ARID5A: variants seen among roughly 807,000 people sequenced by gnomAD.
ARID5A encodes the protein AT-rich interaction domain 5A, also known as AT-rich interactive domain-containing protein 5A.
A neutral mutation model predicts 30.5 loss-of-function variants in ARID5A; 14 were observed. The observed-to-expected ratio is 0.46, with a 90% CI of 0.30 to 0.72. ARID5A has a LOEUF of 0.72. ARID5A is among the 30% of genes least tolerant of loss of function. The pLI is 0.07. For missense variants in ARID5A, 669 were observed against 786.2 expected, an observed-to-expected ratio of 0.85 and a Z score of 1.78; for synonymous variants, 338 against 340.4, an observed-to-expected ratio of 0.99 and a Z score of 0.08.
rs1558624170 is a variant in ARID5A at position 96,552,310 on chromosome 2, G to A, written c.1782G>A (p.Leu594=). ...APHFFHLNTK[L] Reference sequence around the variant, plus strand: ...ACTTCTTCCACCTCAACACCAAGCTGTAGGCCAGCCCATGGTGTTGTGTAC... The same window carrying A: ...ACTTCTTCCACCTCAACACCAAGCTATAGGCCAGCCCATGGTGTTGTGTAC... The change falls in exon 7 of 7, where the codon CTG becomes CTA. Residue 594 remains leucine, a synonymous_variant. Transcript: ENST00000357485. The A allele has an allele frequency of 1.2e-6, 2 of 1,613,356 alleles. No individual in the cohort carries two copies. The highest frequency in any genetic ancestry group is 1.1e-5 in the South Asian group (1 of 91,078).
chr2:96,550,818 C>T lies in ARID5A; in HGVS notation c.570+85C>T. 6.8e-7 allele frequency: 1 copy of T among 1,459,954 alleles called. No homozygotes were observed. The highest frequency in any genetic ancestry group is 9.1e-7 in the Non-Finnish European group (1 of 1,101,118). The allele number at this position is 1,459,954 out of a possible 1,614,324, so 90.4% of individuals were successfully genotyped here. On this transcript the variant is annotated intron_variant, in intron 6 of 6. Coordinates refer to ENST00000357485, the MANE Select transcript of ARID5A (RefSeq NM_212481.3). This position sits in a 1 kb window ranked among gnomAD's most constrained non-coding sequence, Gnocchi z 6.6. ...CAACTCCCTGTGGCCGCGGAGCTGT[C>T]TGCTCAGAATACACAGAACCTGCAC... is the stretch of plus-strand genomic sequence containing the variant.
At chr2:96,546,083 G>T (rs1185699610) in intron 1 of ARID5A, among the ~76,000 whole-genome samples, 2 of 152,186 alleles carry the variant, frequency 1.3e-5, no homozygotes. Context: ...ATGGAGGGAA[G>T]ACATAAGAAC....
chr2:96,550,136 C>A lies in ARID5A; in HGVS notation c.313-52C>A, dbSNP rs1317167596. The A allele has an allele frequency of 6.5e-7, 1 of 1,530,894 alleles. No homozygotes were observed. Among genetic ancestry groups the A allele is most frequent in the East Asian group, 2.5e-5 (1 of 40,504 alleles). The allele number at this position is 1,530,894 out of a possible 1,614,324, so 94.8% of individuals were successfully genotyped here. The stretch of plus-strand genomic sequence containing the variant: ...CGAGGGCGGCCGGAGCTGCAAGGAC[C>A]CCGCCGCCAGGGGGCGCCCGCCGGC... On this transcript the variant is annotated intron_variant, in intron 4 of 6. Transcript: ENST00000357485. This position sits in a 1 kb window ranked among gnomAD's most constrained non-coding sequence, Gnocchi z 6.6.
rs114244789 is a variant in ARID5A, at chr2:96,537,324, G to A, written c.4+494G>A. Reference sequence around the variant, plus strand: ...ACAGACTCCGGGTCCAGAGCGCGCGGCCCTTTCCTCTGCGGCCGCCGTTTC... The same window carrying A: ...ACAGACTCCGGGTCCAGAGCGCGCGACCCTTTCCTCTGCGGCCGCCGTTTC... On this transcript the variant is annotated intron_variant, in intron 1 of 6. Coordinates refer to ENST00000357485, the MANE Select transcript of ARID5A (RefSeq NM_212481.3). The surrounding 1 kb of genome is among the most constrained non-coding windows in gnomAD (Gnocchi z 4.8). The A allele has an allele frequency of 0.016, 2,421 of 153,556 alleles. 59 individuals are homozygous for A. Among genetic ancestry groups the A allele is most frequent in the African/African-American group, 0.055 (2,289 of 41,594 alleles). The allele number at this position is 153,556 out of a possible 1,614,324, so 9.5% of individuals were successfully genotyped here.
intron 1 of ARID5A, among the ~76,000 whole-genome samples, chr2:96,544,741 G>C (rs1385704344): frequency 6.6e-6 from 1 of 152,216 alleles, no homozygotes; most frequent in Non-Finnish European, 1.5e-5. Flanking sequence ...CAAGGATCAA[G>C]GAGTAATTTT....
rs892964623 is a variant in ARID5A, at chr2:96,537,781, C to T, written c.4+951C>T. 1.5e-5 allele frequency: 13 copies of T among 872,690 alleles called. No individual in the cohort carries two copies. The African/African-American group carries it at 2.0e-4, about 13-fold the overall frequency. The allele number at this position is 872,690 out of a possible 1,614,324, so 54.1% of individuals were successfully genotyped here. A position where few individuals can be genotyped will look rare whatever the true frequency, so the allele number is the denominator to read the frequency against. On this transcript the variant is annotated intron_variant, in intron 1 of 6. Coordinates refer to ENST00000357485, the MANE Select transcript of ARID5A (RefSeq NM_212481.3). This position sits in a 1 kb window ranked among gnomAD's most constrained non-coding sequence, Gnocchi z 4.8. ...CCCGGGCTGGGGTCGCGTCACCCTC[C>T]GCCCAGCGCCGGCGTGGTGGGGCTT...
In ARID5A at chr2:96,551,866, C is replaced by A; in HGVS notation, c.1338C>A (p.Ser446Arg). The A allele has an allele frequency of 6.3e-7, 1 of 1,587,174 alleles. No homozygotes were observed. Among genetic ancestry groups the A allele is most frequent in the African/African-American group, 1.4e-5 (1 of 73,552 alleles). The part of the protein sequence containing the change: ...PSSPGLGSKR[S>R]LEEEGAAHSG... ...GCCCAGGCCTGGGCAGCAAGCGCAG[C>A]CTGGAGGAAGAGGGTGCTGCCCACA... The change falls in exon 7 of 7, where the codon AGC becomes AGA. Residue 446 changes from serine (S) to arginine (R), a missense_variant. Coordinates refer to ENST00000357485, the MANE Select transcript of ARID5A (RefSeq NM_212481.3).
At chr2:96,541,781 A>G (rs1266829205) in intron 1 of ARID5A, among the ~76,000 whole-genome samples, 2 of 152,176 alleles carry the variant, frequency 1.3e-5, no homozygotes, top group Admixed American at 1.3e-4. Context: ...TTGATCCCCC[A>G]CTTCTGTTAC....
Position 96,549,408 on chromosome 2 carries a change from A to G in ARID5A, c.208A>G (p.Lys70Glu). The G allele has an allele frequency of 1.5e-5, 24 of 1,613,904 alleles. No homozygotes were observed. Among genetic ancestry groups the G allele is most frequent in the Non-Finnish European group, 2.0e-5 (24 of 1,179,952 alleles). Residue 70 changes from lysine (K) to glutamate (E), a missense_variant, in exon 3 of 7, where the codon AAG becomes GAG. Lys to Glu is a moderately conservative substitution (Grantham distance 56). Coordinates refer to ENST00000357485, the MANE Select transcript of ARID5A (RefSeq NM_212481.3). This position sits in a 1 kb window ranked among gnomAD's most constrained non-coding sequence, Gnocchi z 6.1. The stretch of plus-strand genomic sequence containing the variant: ...CCTGGTCAGCCTCTACAAGTTCATG[A>G]AGGAGCGACACACGCCCATCGAGAG... ...AFLVSLYKFM[K>E]ERHTPIERVP...
In ARID5A at chr2:96,550,589, C is replaced by T. The variant is rs759938225; in HGVS notation, c.426C>T (p.Tyr142=). ...TCCTCACCAGGCTGGTCCTGCCATA[C>T]GTGCGGCACCTGAAGGGGGAGGATG... ...RRHYERLVLP[Y]VRHLKGEDDK... is the part of the protein sequence containing the mutation. The change falls in exon 6 of 7, where the codon TAC becomes TAT. Residue 142 remains tyrosine (Y), a synonymous_variant. Transcript: ENST00000357485. This position sits in a 1 kb window ranked among gnomAD's most constrained non-coding sequence, Gnocchi z 6.6. 11 of 1,603,800 alleles carry T rather than the reference C, an allele frequency of 6.9e-6. No individual in the cohort carries two copies. Among genetic ancestry groups the T allele is most frequent in the East Asian group, 2.3e-5 (1 of 44,422 alleles).
chr2:96,538,137 A>C lies in ARID5A; in HGVS notation c.4+1307A>C, dbSNP rs143980425. 2.7e-4 allele frequency: 268 copies of C among 985,394 alleles called. 1 individual carries two copies. The African/African-American group carries it at 4.4e-3, about 16-fold the overall frequency. The allele number at this position is 985,394 out of a possible 1,614,324, so 61.0% of individuals were successfully genotyped here. On this transcript the variant is annotated intron_variant, in intron 1 of 6. Coordinates refer to ENST00000357485, the MANE Select transcript of ARID5A (RefSeq NM_212481.3). Reference sequence around the variant, plus strand: ...GGCAGAGGTAGAAAGGGCCTCCGATAATCTGCTTCTACAGTTGAGAGACGT... The same window carrying C: ...GGCAGAGGTAGAAAGGGCCTCCGATCATCTGCTTCTACAGTTGAGAGACGT...
At chr2:96,548,726 TG>T (rs1257930770) in intron 2 of ARID5A, among the ~76,000 whole-genome samples, 14 of 152,220 alleles carry the variant, frequency 9.2e-5, no homozygotes, top group Admixed American at 9.2e-4. Context: ...ATTGCCCCTC[TG>T]GGACCCGCAA....
chr2:96,544,084 C>T (rs2065886688), intron 1 of ARID5A, among the ~76,000 whole-genome samples: 1 of 152,214 alleles, frequency 6.6e-6, no homozygotes, highest in Non-Finnish European at 1.5e-5. Flanking sequence ...ATCTCCAATG[C>T]TGTGAAGGCT....
chr2:96,547,768 T>TGTAAAAC (rs1263606839), intron 2 of ARID5A, among the ~76,000 whole-genome samples: 1 of 152,142 alleles, frequency 6.6e-6, no homozygotes, highest in African/African-American at 2.4e-5. Context: ...AGACAAAAGC[T>TGTAAAAC]CCAGCCCATG....
intron 2 of ARID5A, 57 bp downstream of exon 2, chr2:96,547,574 T>C: frequency 6.6e-7 from 1 of 1,516,316 alleles, no homozygotes; most frequent in Middle Eastern, 1.7e-4. Flanking sequence ...CCCTCACCTG[T>C]GCTCCGCCTC....
chr2:96,549,167 C>T lies in ARID5A; in HGVS notation c.121-154C>T, dbSNP rs2065981163. Reference sequence around the variant, plus strand: ...CACCTGTGTCTGCCGAACCCAGGAACAGTCACTCCCTCCCAGAACAGTGGC... The same window carrying T: ...CACCTGTGTCTGCCGAACCCAGGAATAGTCACTCCCTCCCAGAACAGTGGC... On this transcript the variant is annotated intron_variant, in intron 2 of 6. Transcript: ENST00000357485. This position sits in a 1 kb window ranked among gnomAD's most constrained non-coding sequence, Gnocchi z 6.1. Among the ~76,000 whole-genome samples, 1 of 152,212 alleles carries T rather than the reference C, an allele frequency of 6.6e-6. No individual in the cohort carries two copies. The highest frequency in any genetic ancestry group is 2.4e-5 in the African/African-American group (1 of 41,452).
In ARID5A at chr2:96,547,147, G is replaced by A. The variant is rs962393745; in HGVS notation, c.5-255G>A. On this transcript the variant is annotated intron_variant, in intron 1 of 6. Coordinates refer to ENST00000357485, the MANE Select transcript of ARID5A (RefSeq NM_212481.3). ...GCCAGGGACACACCCCTTCCCCCTG[G>A]CCAATTCTTTTTTTTTTTTTAATAA... Among the ~76,000 whole-genome samples, 3 of 151,736 alleles carry A rather than the reference G, an allele frequency of 2.0e-5. No individual in the cohort carries two copies. In the East Asian group the frequency reaches 5.8e-4, roughly 29 times the overall value.
intron 1 of ARID5A, chr2:96,538,104 C>T (rs2065774975): frequency 1.0e-6 from 1 of 985,360 alleles, no homozygotes; most frequent in South Asian, 4.7e-5. Flanking sequence ...GGGCCTAGAA[C>T]TTGGTGTGGC....
chr2:96,542,768 AC>A (rs1180826705), intron 1 of ARID5A, among the ~76,000 whole-genome samples: 1 of 152,206 alleles, frequency 6.6e-6, no homozygotes, highest in Non-Finnish European at 1.5e-5. Context: ...CCCCAGTCAC[AC>A]CAAGGAAGAC....
Sources: gnomAD v4.1 joint callset for allele counts (sites outside exome capture counted in the v4.1 genomes callset) on GRCh38, gnomAD v4.1.1 for gene constraint, Gnocchi (gnomAD v3.1) non-coding constraint, MANE v1.5 for transcripts, NCBI Gene and HGNC (gene_info 2026-07-23, HGNC 2026-07-21) for gene names.